The following SCML4 variants were observed in gnomAD, a reference collection of about 807,000 sequenced individuals.
The protein encoded by SCML4 is Scm polycomb group protein like 4.
A neutral mutation model predicts 41.1 loss-of-function variants in SCML4; 34 were observed. That is an observed-to-expected ratio of 0.83 (90% CI 0.63 to 1.10). The LOEUF (loss-of-function observed/expected upper bound fraction) is 1.10. Ranked by LOEUF, SCML4 falls within the 50% of genes least tolerant of loss-of-function variation. The pLI, the probability that SCML4 is intolerant of heterozygous loss-of-function variation, is 0.00. For synonymous variants in SCML4, 214 were observed against 220.9 expected (o/e 0.97, Z 0.28); for missense variants, 522 against 534.1 (o/e 0.98, Z 0.22).
intron 1 of SCML4, among the ~76,000 whole-genome samples, chr6:107,813,375 TATATATATA>T (rs1784317797): frequency 6.1e-5 from 1 of 16,472 alleles, no homozygotes. Flanking sequence ...AAAAATTATA[TATATATATA>T]TATATATATA....
chr6:107,787,737 G>A lies in SCML4; in HGVS notation c.-59-15351C>T, dbSNP rs1368549849. On this transcript the variant is annotated intron_variant, in intron 1 of 7. Transcript: ENST00000369020. ...AACACAAATCACAACTCTCCAAGTCGGCACCTTGCCAAGTAGGAATCCATT... is the reference window on the plus strand; with the variant it reads ...AACACAAATCACAACTCTCCAAGTCAGCACCTTGCCAAGTAGGAATCCATT... 4.6e-5 allele frequency among the ~76,000 whole-genome samples: 7 copies of A among 152,216 alleles called. No individual in the cohort carries two copies. The East Asian group carries it at 9.6e-4, about 21-fold the overall frequency.
chr6:107,716,080 C>T (rs769208521), intron 6 of SCML4, among the ~76,000 whole-genome samples: 5 of 152,184 alleles, frequency 3.3e-5, no homozygotes, highest in Admixed American at 6.5e-5. Context: ...GTTTCTCTCC[C>T]ACTTTAACAT....
In SCML4 at chr6:107,744,710, A is replaced by G. The variant is rs188252729; in HGVS notation, c.682+239T>C. ...CTAATAATATAGACCTAAAAGTTAT[A>G]ATGTCAGCTCTTAATAGCTGGAGGG... On this transcript the variant is annotated intron_variant, in intron 5 of 7. Transcript: ENST00000369020. Among the ~76,000 whole-genome samples the G allele has an allele frequency of 4.2e-4, 64 of 152,334 alleles. 1 individual carries two copies. In the East Asian group the frequency reaches 0.011, roughly 27 times the overall value.
rs775916413 is a variant in SCML4, at chr6:107,745,072, G to A, written c.559C>T (p.Arg187Cys). Residue 187 changes from arginine to cysteine, a missense_variant, in exon 5 of 8, where the codon CGC becomes TGC. By Grantham distance (180) the Arg-to-Cys change is radical. Coordinates refer to ENST00000369020, the MANE Select transcript of SCML4 (RefSeq NM_198081.5). The stretch of plus-strand genomic sequence containing the variant: ...CTTCGGCACAGCTTGGCGAGGAAGC[G>A]GAGGACATAGCCGATGCTGTTCACC... ...PVVNSIGYVLRFLAKLCRSLL... is the reference protein window; with the variant it reads ...PVVNSIGYVLCFLAKLCRSLL... 1.2e-5 allele frequency: 20 copies of A among 1,613,538 alleles called. No homozygotes were observed. Among genetic ancestry groups the A allele is most frequent in the Admixed American group, 5.0e-5 (3 of 59,966 alleles).
intron 1 of SCML4, among the ~76,000 whole-genome samples, chr6:107,820,438 G>A (rs907507918): frequency 1.3e-5 from 2 of 152,218 alleles, no homozygotes; most frequent in Admixed American, 6.5e-5. Flanking sequence ...TGTGGGGCAG[G>A]CTGCTCTGCA....
chr6:107,823,709 G>T (rs911779166), intron 1 of SCML4, among the ~76,000 whole-genome samples: 1 of 151,864 alleles, frequency 6.6e-6, no homozygotes, highest in East Asian at 1.9e-4. Context: ...TTTATCCCAA[G>T]ACATAGTACA....
intron 1 of SCML4, among the ~76,000 whole-genome samples, chr6:107,814,281 ATTC>A (rs1249979963): frequency 6.6e-6 from 1 of 152,246 alleles, no homozygotes; most frequent in African/African-American, 2.4e-5. Context: ...GAGCCACTTA[ATTC>A]AAGTGGCAGG....
chr6:107,807,061 CTTTTT>C (rs201486996), intron 1 of SCML4, among the ~76,000 whole-genome samples: 3 of 133,532 alleles, frequency 2.2e-5, no homozygotes, highest in Admixed American at 7.4e-5. Context: ...TGTTCCTAAG[CTTTTT>C]TTTTTTTTTT....
intron 3 of SCML4, among the ~76,000 whole-genome samples, chr6:107,747,976 A>AT (rs1468152406): frequency 2.0e-5 from 3 of 152,146 alleles, no homozygotes; most frequent in Non-Finnish European, 4.4e-5. Context: ...TTGCTTTAAG[A>AT]TTTTTCATTG....
chr6:107,833,139 A>G, the SCML4 span, among the ~76,000 whole-genome samples: 1 of 152,262 alleles, frequency 6.6e-6, no homozygotes. Context: ...TAAGTTGGTC[A>G]TATAGTTAGC....
In SCML4 at chr6:107,746,800, G is replaced by A. The variant is rs780363936; in HGVS notation, c.376C>T (p.Arg126Trp). 12 of 1,613,892 alleles carry A rather than the reference G, an allele frequency of 7.4e-6. No homozygotes were observed. Among genetic ancestry groups the A allele is most frequent in the Non-Finnish European group, 1.7e-6 (2 of 1,179,966 alleles). Residue 126 changes from arginine to tryptophan, a missense_variant, in exon 4 of 8, where the codon CGG becomes TGG. By Grantham distance (101) the Arg-to-Trp change is moderately radical. Coordinates refer to ENST00000369020, the MANE Select transcript of SCML4 (RefSeq NM_198081.5). Reference sequence around the variant, plus strand: ...GCCTGCTGCAGCACCGCCGATGGCCGCTCGGGCCCAAAATGCTCCGGGAGC... The same window carrying A: ...GCCTGCTGCAGCACCGCCGATGGCCACTCGGGCCCAAAATGCTCCGGGAGC... ...QQLPEHFGPE[R>W]PSAVLQQAVQ...
At chr6:107,759,266 G>T (rs922995741) in intron 2 of SCML4, among the ~76,000 whole-genome samples, 3 of 152,028 alleles carry the variant, frequency 2.0e-5, no homozygotes, top group Non-Finnish European at 4.4e-5. Flanking sequence ...GGAGGCGGAG[G>T]TTGCAGTAAG....
chr6:107,830,325 G>A, the SCML4 span, among the ~76,000 whole-genome samples: 22,321 of 152,144 alleles, frequency 0.15, 2,935 homozygotes, highest in African/African-American at 0.35. Flanking sequence ...TGTGACCCTG[G>A]CTGATACTCA....
the SCML4 span, among the ~76,000 whole-genome samples, chr6:107,838,033 G>A: frequency 6.6e-6 from 1 of 150,718 alleles, no homozygotes; most frequent in Non-Finnish European, 1.5e-5. Flanking sequence ...TCAGCCTCCT[G>A]AGTACTTGGG....
intron 2 of SCML4, among the ~76,000 whole-genome samples, chr6:107,760,450 C>T (rs946840402): frequency 7.9e-5 from 12 of 152,274 alleles, no homozygotes; most frequent in African/African-American, 2.9e-4. Flanking sequence ...GTTGCCTTGA[C>T]ACTGAGGGAG....
intron 5 of SCML4, among the ~76,000 whole-genome samples, chr6:107,736,025 G>C (rs1777034060): frequency 6.6e-6 from 1 of 152,082 alleles, no homozygotes. Context: ...CTCTGCCACT[G>C]TCTGGTGGAG....
chr6:107,731,003 T>C (rs572870424), intron 5 of SCML4, among the ~76,000 whole-genome samples: 207 of 152,260 alleles, frequency 1.4e-3, no homozygotes, highest in Non-Finnish European at 2.3e-3. Flanking sequence ...TGCCCCTGCA[T>C]CCATGGCTTC....
intron 5 of SCML4, among the ~76,000 whole-genome samples, chr6:107,737,162 A>G (rs1777153973): frequency 6.6e-6 from 1 of 152,212 alleles, no homozygotes. Context: ...AGGTCTATCT[A>G]GCAGGAAGAA....
the SCML4 span, among the ~76,000 whole-genome samples, chr6:107,841,111 T>C: frequency 2.0e-5 from 3 of 150,838 alleles, no homozygotes; most frequent in Non-Finnish European, 2.9e-5. Flanking sequence ...CAATATAAAA[T>C]GAAGGGTCAT....
Sources: gnomAD v4.1 joint callset for allele counts (sites outside exome capture counted in the v4.1 genomes callset) on GRCh38, gnomAD v4.1.1 for gene constraint, MANE v1.5 for transcripts, NCBI Gene and HGNC (gene_info 2026-07-23, HGNC 2026-07-21) for gene names.